The following FSTL5 variants were observed in gnomAD, a reference collection of about 807,000 sequenced individuals.
FSTL5 encodes follistatin-related protein 5.
FSTL5 carries 62 observed loss-of-function variants against 89.1 expected under a neutral mutation model. The ratio of observed to expected loss-of-function variants is 0.70; its 90% CI spans 0.57 to 0.86. The LOEUF (loss-of-function observed/expected upper bound fraction) is 0.86, where lower values mean the gene tolerates loss of function less well. Among genes scored for constraint, FSTL5 ranks in the 40% least tolerant of loss-of-function variants. The pLI is 0.00. For synonymous variants in FSTL5, 383 were observed against 346.2 expected, an observed-to-expected ratio of 1.11 and a Z score of -1.18; for missense variants, 1,057 against 1,001.6, an observed-to-expected ratio of 1.06 and a Z score of -0.75.
At chr4:161,439,838 A>T (rs988161811) in intron 15 of FSTL5, among the ~76,000 whole-genome samples, 2 of 152,184 alleles carry the variant, frequency 1.3e-5, no homozygotes, top group Non-Finnish European at 2.9e-5. Flanking sequence ...TTATATAGAC[A>T]TCAAGTTACA....
chr4:161,576,362 G>T (rs1733207900), intron 8 of FSTL5, among the ~76,000 whole-genome samples: 1 of 152,102 alleles, frequency 6.6e-6, no homozygotes, highest in African/African-American at 2.4e-5. Context: ...ATATAGCCAA[G>T]ACAATATTAA....
intron 3 of FSTL5, among the ~76,000 whole-genome samples, chr4:161,938,602 A>C (rs1032063948): frequency 6.6e-6 from 1 of 152,070 alleles, no homozygotes; most frequent in Non-Finnish European, 1.5e-5. Context: ...AATGGATACA[A>C]TTGGGTGGTT....
intron 3 of FSTL5, among the ~76,000 whole-genome samples, chr4:161,922,217 G>A (rs1462123624): frequency 1.3e-5 from 2 of 151,608 alleles, no homozygotes; most frequent in Admixed American, 6.6e-5. Context: ...TATTGATGAA[G>A]GATTCCATGA....
At chr4:162,119,244 G>A (rs1253842788) in intron 1 of FSTL5, among the ~76,000 whole-genome samples, 1 of 142,160 alleles carries the variant, frequency 7.0e-6, no homozygotes, top group African/African-American at 2.5e-5. Context: ...AAAAAAAAAA[G>A]GTGCACACAA....
At chr4:161,544,794 A>C (rs1290542371) in intron 8 of FSTL5, among the ~76,000 whole-genome samples, 1 of 151,976 alleles carries the variant, frequency 6.6e-6, no homozygotes, top group African/African-American at 2.4e-5. Context: ...GAACTGACAA[A>C]ATTTAAATAT....
Position 161,483,291 on chromosome 4 carries a change from C to A in FSTL5, c.1459-2122G>T, listed in dbSNP as rs78186553. ...TGAAGAAGTGGGAAAAAAGTGGGAA[C>A]TAAGGTTGGTGAAAGGCTCTGAATA... On this transcript the variant is annotated intron_variant, in intron 12 of 15. Transcript: ENST00000306100. Among the ~76,000 whole-genome samples the A allele has an allele frequency of 8.4e-3, 1,281 of 152,306 alleles. 18 individuals are homozygous for A. The highest frequency in any genetic ancestry group is 0.03 in the African/African-American group (1,237 of 41,558).
chr4:161,960,837 A>G (rs1046344828), intron 3 of FSTL5, among the ~76,000 whole-genome samples: 1 of 152,026 alleles, frequency 6.6e-6, no homozygotes, highest in Non-Finnish European at 1.5e-5. Context: ...CCTCAAAAGG[A>G]TCAGATAGAA....
intron 5 of FSTL5, among the ~76,000 whole-genome samples, chr4:161,769,906 A>G (rs1366456744): frequency 6.6e-6 from 1 of 151,826 alleles, no homozygotes; most frequent in Non-Finnish European, 1.5e-5. Flanking sequence ...GAAAAAAAAA[A>G]CCTAAAGACT....
intron 3 of FSTL5, chr4:162,023,050 G>A (rs1737149654): frequency 6.6e-6 from 1 of 152,012 alleles, no homozygotes; most frequent in South Asian, 2.1e-4. Flanking sequence ...TGCCTGTAAC[G>A]AAACTACACG....
At chr4:161,514,363 C>A (rs1391968255) in intron 10 of FSTL5, among the ~76,000 whole-genome samples, 1 of 151,918 alleles carries the variant, frequency 6.6e-6, no homozygotes, top group Non-Finnish European at 1.5e-5. Flanking sequence ...AATGAAATAA[C>A]CCAGAAACAG....
intron 3 of FSTL5, among the ~76,000 whole-genome samples, chr4:161,996,755 C>A (rs1429979839): frequency 6.6e-6 from 1 of 152,168 alleles, no homozygotes; most frequent in Non-Finnish European, 1.5e-5. Context: ...TTGCTTCCAA[C>A]AGTTATTGCT....
chr4:161,776,351 A>C (rs1340965382), intron 4 of FSTL5, among the ~76,000 whole-genome samples: 2 of 152,036 alleles, frequency 1.3e-5, no homozygotes, highest in African/African-American at 2.4e-5. Context: ...AAAACATGAT[A>C]GCTCCAGCTG....
chr4:162,139,956 G>A (rs557700580), intron 1 of FSTL5, among the ~76,000 whole-genome samples: 1 of 152,152 alleles, frequency 6.6e-6, no homozygotes, highest in African/African-American at 2.4e-5. Flanking sequence ...GCTCCATGAA[G>A]AAATGGACAA....
At chr4:161,953,523 A>G (rs1734953601) in intron 3 of FSTL5, among the ~76,000 whole-genome samples, 1 of 151,688 alleles carries the variant, frequency 6.6e-6, no homozygotes, top group Non-Finnish European at 1.5e-5. Context: ...TATAGGTTGT[A>G]TGCAACCAAA....
intron 11 of FSTL5, among the ~76,000 whole-genome samples, chr4:161,501,467 T>C (rs544399762): frequency 6.6e-6 from 1 of 152,060 alleles, no homozygotes; most frequent in Non-Finnish European, 1.5e-5. Flanking sequence ...TAAACTAAAC[T>C]ATTACTTTAT....
chr4:161,835,069 T>C (rs1220088871), intron 4 of FSTL5, among the ~76,000 whole-genome samples: 2 of 146,500 alleles, frequency 1.4e-5, no homozygotes, highest in Non-Finnish European at 3.0e-5. Flanking sequence ...AAGGCTACAG[T>C]AACCAAAACA....
intron 3 of FSTL5, among the ~76,000 whole-genome samples, chr4:162,011,216 G>C (rs1736757143): frequency 6.6e-6 from 1 of 152,096 alleles, no homozygotes; most frequent in Non-Finnish European, 1.5e-5. Context: ...GCATTTTTCT[G>C]CTGAGTCATT....
intron 2 of FSTL5, among the ~76,000 whole-genome samples, chr4:162,097,387 T>G (rs1007757552): frequency 6.6e-6 from 1 of 151,878 alleles, no homozygotes; most frequent in Non-Finnish European, 1.5e-5. Context: ...TATACAATTA[T>G]TTTAATCATA....
chr4:161,825,822 T>C (rs918230257), intron 4 of FSTL5, among the ~76,000 whole-genome samples: 1 of 152,178 alleles, frequency 6.6e-6, no homozygotes, highest in Non-Finnish European at 1.5e-5. Flanking sequence ...ATTTTATTTA[T>C]CTTTTAAAAG....
Sources: gnomAD v4.1 joint callset for allele counts (sites outside exome capture counted in the v4.1 genomes callset) on GRCh38, gnomAD v4.1.1 for gene constraint, MANE v1.5 for transcripts, NCBI Gene and HGNC (gene_info 2026-07-23, HGNC 2026-07-21) for gene names.